The following RBMS1 variants were observed in gnomAD, a reference collection of about 807,000 sequenced individuals.
RBMS1 encodes RNA binding motif single stranded interacting protein 1, also known as RNA-binding motif, single-stranded-interacting protein 1.
In RBMS1, 17 loss-of-function variants were observed where a neutral mutation model predicts 62.3. That is an observed-to-expected ratio of 0.27 (90% confidence interval 0.19 to 0.41). RBMS1 has a LOEUF of 0.41. Among genes scored for constraint, RBMS1 ranks in the 10% least tolerant of loss-of-function variants. RBMS1 has a pLI of 1.00. For missense variants in RBMS1, 334 were observed against 504.5 expected, an observed-to-expected ratio of 0.66 and a Z score of 3.24; for synonymous variants, 172 against 170.0, an observed-to-expected ratio of 1.01 and a Z score of -0.09.
At chr2:160,386,290 C>T (rs1227493802) in intron 1 of RBMS1, among the ~76,000 whole-genome samples, 1 of 152,200 alleles carries the variant, frequency 6.6e-6, no homozygotes, top group Admixed American at 6.5e-5. Flanking sequence ...GTAATCCCAA[C>T]ACTTTGGGAG....
chr2:160,297,044 T>C (rs1325754441), intron 6 of RBMS1, among the ~76,000 whole-genome samples: 1 of 152,182 alleles, frequency 6.6e-6, no homozygotes, highest in Non-Finnish European at 1.5e-5. Context: ...ACCTCAACTT[T>C]AACCCTTGGG....
intron 1 of RBMS1, among the ~76,000 whole-genome samples, chr2:160,403,701 T>G (rs1257946878): frequency 6.6e-6 from 1 of 152,076 alleles, no homozygotes; most frequent in Non-Finnish European, 1.5e-5. Context: ...CAGAAAAATT[T>G]TGCATTCACT....
chr2:160,351,902 TA>T (rs753216426), intron 2 of RBMS1, among the ~76,000 whole-genome samples: 1 of 152,162 alleles, frequency 6.6e-6, no homozygotes, highest in Non-Finnish European at 1.5e-5. Flanking sequence ...CATTTGCTTC[TA>T]CCTCTTTCCC....
intron 2 of RBMS1, 109 bp downstream of exon 2, chr2:160,367,107 G>C: frequency 9.0e-7 from 1 of 1,108,502 alleles, no homozygotes; most frequent in South Asian, 1.9e-5. Flanking sequence ...GACACTGAGA[G>C]TCCACAGATA....
chr2:160,324,905 T>TATATAC (rs1553508414), intron 2 of RBMS1, among the ~76,000 whole-genome samples: 3 of 118,702 alleles, frequency 2.5e-5, no homozygotes, highest in African/African-American at 1.1e-4. Context: ...TATATATATA[T>TATATAC]ATACACACAC....
Position 160,493,533 on chromosome 2 carries a change from C to G in RBMS1, c.-170G>C, listed in dbSNP as rs1443294727. On this transcript the variant is annotated 5_prime_UTR_variant, in exon 1 of 14. Coordinates refer to ENST00000348849, the MANE Select transcript of RBMS1 (RefSeq NM_016836.4). The stretch of plus-strand genomic sequence containing the variant: ...GCCGGGACCAGACGTCCTCCTCCTC[C>G]TCCTCCTCTTCCTCCTCCTCCTCCT... 8 of 631,128 alleles carry G rather than the reference C, an allele frequency of 1.3e-5. No homozygotes were observed. Among genetic ancestry groups the G allele is most frequent in the Non-Finnish European group, 2.0e-5 (7 of 358,586 alleles). The allele number at this position is 631,128 out of a possible 1,614,324, so 39.1% of individuals were successfully genotyped here.
At chr2:160,311,232 C>CTCTCTA (rs1553505424) in intron 4 of RBMS1, among the ~76,000 whole-genome samples, 1 of 79,252 alleles carries the variant, frequency 1.3e-5, no homozygotes, top group East Asian at 3.2e-4. Context: ...ATCTATCTAT[C>CTCTCTA]TATATATATA....
chr2:160,402,796 C>T (rs1695507126), intron 1 of RBMS1, among the ~76,000 whole-genome samples: 1 of 152,098 alleles, frequency 6.6e-6, no homozygotes, highest in Non-Finnish European at 1.5e-5. Flanking sequence ...ATGTCACTGC[C>T]TCAAAACTCC....
intron 1 of RBMS1, among the ~76,000 whole-genome samples, chr2:160,491,197 G>A (rs905187352): frequency 4.6e-5 from 7 of 152,046 alleles, no homozygotes; most frequent in African/African-American, 1.2e-4. Context: ...GTCCCCTTCT[G>A]AGATAATCAA....
At chr2:160,407,490 T>G (rs1422828238) in intron 1 of RBMS1, 9 of 986,000 alleles carry the variant, frequency 9.1e-6, no homozygotes, top group Admixed American at 6.2e-5. Context: ...GTCCGGCAGT[T>G]GCTGCTGCCC....
rs1199556514 is a variant in RBMS1 at position 160,272,790 on chromosome 2, CTA to C, written c.*1980_*1981del. The C allele has an allele frequency of 3.3e-5, 5 of 151,692 alleles. No homozygotes were observed. Among genetic ancestry groups the C allele is most frequent in the Non-Finnish European group, 7.4e-5 (5 of 67,910 alleles). 9.4% of individuals were successfully genotyped at this position (151,692 alleles called of 1,614,324 possible). A position where few individuals can be genotyped will look rare whatever the true frequency, so the allele number is the denominator to read the frequency against. On this transcript the variant is annotated 3_prime_UTR_variant, in exon 14 of 14. Transcript: ENST00000348849. ...AAACAAAAACACATTTCTCTTATGA[CTA>C]TGTAATTTTCACTAGAATCTACACT...
intron 2 of RBMS1, among the ~76,000 whole-genome samples, chr2:160,332,303 T>C (rs1220053567): frequency 6.6e-6 from 1 of 152,194 alleles, no homozygotes; most frequent in African/African-American, 2.4e-5. Flanking sequence ...AGATACCTTT[T>C]AAAAACCACA....
intron 2 of RBMS1, among the ~76,000 whole-genome samples, chr2:160,347,829 T>G (rs954493832): frequency 2.6e-5 from 4 of 152,102 alleles, no homozygotes; most frequent in African/African-American, 9.7e-5. Context: ...AACACACCAG[T>G]AGAAGCCCTG....
intron 1 of RBMS1, among the ~76,000 whole-genome samples, chr2:160,401,108 G>A (rs992019333): frequency 1.3e-5 from 2 of 152,138 alleles, no homozygotes; most frequent in African/African-American, 4.8e-5. Flanking sequence ...AGTCATTTGT[G>A]ATTCTATAGC....
intron 1 of RBMS1, among the ~76,000 whole-genome samples, chr2:160,426,875 A>C (rs1475051161): frequency 6.6e-6 from 1 of 152,180 alleles, no homozygotes; most frequent in African/African-American, 2.4e-5. Flanking sequence ...GAATGTAAGA[A>C]GACATTATAA....
chr2:160,445,816 T>C (rs1174021255), intron 1 of RBMS1, among the ~76,000 whole-genome samples: 4 of 152,164 alleles, frequency 2.6e-5, no homozygotes, highest in Non-Finnish European at 4.4e-5. Flanking sequence ...TTTTTATAAA[T>C]AAGGGAGTTA....
At chr2:160,426,216 CAGAAGAAAGAA>C (rs1682564430) in intron 1 of RBMS1, among the ~76,000 whole-genome samples, 1 of 65,330 alleles carries the variant, frequency 1.5e-5, no homozygotes, top group South Asian at 4.9e-4. Flanking sequence ...GAGAGAGAGA[CAGAAGAAAGAA>C]AGAAAGAAAG....
chr2:160,456,776 C>G (rs1684252456), intron 1 of RBMS1, among the ~76,000 whole-genome samples: 1 of 152,188 alleles, frequency 6.6e-6, no homozygotes. Flanking sequence ...TGTGACCTCC[C>G]CTTCTTCCAA....
intron 9 of RBMS1, chr2:160,282,557 C>T (rs1372997238): frequency 1.4e-5 from 4 of 281,210 alleles, no homozygotes; most frequent in Admixed American, 8.6e-5. Flanking sequence ...TTTTTATATG[C>T]TTCAGTGGTC....
Sources: allele counts gnomAD v4.1 joint callset (sites outside exome capture counted in the v4.1 genomes callset), GRCh38; gene constraint gnomAD v4.1.1; transcripts MANE v1.5; gene names NCBI Gene and HGNC (gene_info 2026-07-23, HGNC 2026-07-21).